Variants in MCUB observed in about 807,000 individuals in gnomAD.
The protein encoded by MCUB is calcium uniporter regulatory subunit MCUb, mitochondrial.
Under a neutral mutation model 41.4 loss-of-function variants are expected in MCUB, and 46 were observed. The observed-to-expected ratio is 1.11, with a 90% CI of 0.88 to 1.42. The LOEUF (loss-of-function observed/expected upper bound fraction) is 1.42. Ranked by LOEUF, MCUB falls within the 40% of genes most tolerant of loss-of-function variation. The pLI is 0.00. For missense variants in MCUB, 403 were observed against 404.9 expected, an observed-to-expected ratio of 1.00 and a Z score of 0.04; for synonymous variants, 148 against 148.2, an observed-to-expected ratio of 1.00 and a Z score of 0.01.
chr4:109,562,348 C>T (rs1489577013), intron 1 of MCUB, among the ~76,000 whole-genome samples: 1 of 152,168 alleles, frequency 6.6e-6, no homozygotes, highest in African/African-American at 2.4e-5. Flanking sequence ...AGCCAACTGT[C>T]CAGCTATAAA....
At chr4:109,677,980 G>C (rs139917582) in intron 4 of MCUB, among the ~76,000 whole-genome samples, 5,836 of 151,886 alleles carry the variant, frequency 0.038, 401 homozygotes, top group African/African-American at 0.14. Context: ...TGCAGTGTTT[G>C]TGTCCCTGGG....
At chr4:109,646,035 C>T (rs1290610391) in intron 1 of MCUB, among the ~76,000 whole-genome samples, 2 of 152,144 alleles carry the variant, frequency 1.3e-5, no homozygotes, top group East Asian at 3.9e-4. Context: ...CTTCCAGCTA[C>T]TGCCCCATTC....
intron 1 of MCUB, among the ~76,000 whole-genome samples, chr4:109,641,868 A>G (rs1178576495): frequency 6.6e-6 from 1 of 152,198 alleles, no homozygotes; most frequent in Non-Finnish European, 1.5e-5. Flanking sequence ...ACCTTCATGT[A>G]GTTCCCATTT....
chr4:109,561,952 T>A (rs998233722), intron 1 of MCUB, among the ~76,000 whole-genome samples: 9 of 152,176 alleles, frequency 5.9e-5, no homozygotes, highest in South Asian at 2.1e-4. Context: ...TTTCACCATG[T>A]TGGCCAGACT....
At chr4:109,601,775 AT>A (rs1727750909) in intron 1 of MCUB, among the ~76,000 whole-genome samples, 1 of 152,096 alleles carries the variant, frequency 6.6e-6, no homozygotes, top group African/African-American at 2.4e-5. Context: ...GCTGGATCAT[AT>A]GCTAGCTTTA....
chr4:109,640,457 CTGT>C (rs1381511199), intron 1 of MCUB, among the ~76,000 whole-genome samples: 1 of 152,188 alleles, frequency 6.6e-6, no homozygotes, highest in Non-Finnish European at 1.5e-5. Flanking sequence ...ATCTGAAAAT[CTGT>C]TGTTTAGTGT....
intron 1 of MCUB, among the ~76,000 whole-genome samples, chr4:109,616,519 C>A (rs1200696578): frequency 6.6e-6 from 1 of 152,190 alleles, no homozygotes; most frequent in Non-Finnish European, 1.5e-5. Context: ...CCTCCCCTTT[C>A]ATGCAGCCCA....
intron 1 of MCUB, among the ~76,000 whole-genome samples, chr4:109,570,336 A>G (rs557241092): frequency 6.3e-4 from 96 of 152,220 alleles, no homozygotes; most frequent in African/African-American, 2.3e-3. Flanking sequence ...TGTATTTCTT[A>G]TTCTGCTAGT....
At chr4:109,649,689 A>G (rs1728916596) in intron 1 of MCUB, among the ~76,000 whole-genome samples, 1 of 151,890 alleles carries the variant, frequency 6.6e-6, no homozygotes, top group African/African-American at 2.4e-5. Context: ...GTTTCATCAC[A>G]TTGTGTCAGG....
intron 1 of MCUB, among the ~76,000 whole-genome samples, chr4:109,578,347 C>T (rs1727081181): frequency 6.6e-6 from 1 of 152,088 alleles, no homozygotes; most frequent in South Asian, 2.1e-4. Context: ...TCTGTATGTA[C>T]AATCTCATAT....
rs1729295439 is a variant in MCUB at position 109,664,304 on chromosome 4, T to G, written c.361T>G (p.Ser121Ala). ...TTTTCTTTCAGATGGCAACATGATT[T>G]CAGCTTCTACCTTGATGGATATTTT... ...AIFTADGNMI[S>A]ASTLMDILLM... The change falls in exon 4 of 8, where the codon TCA becomes GCA. Residue 121 changes from serine to alanine, a missense_variant. Physicochemically the swap from Ser to Ala is moderately conservative, Grantham distance 99. Coordinates refer to ENST00000394650, the MANE Select transcript of MCUB (RefSeq NM_017918.5). 1.3e-6 allele frequency: 2 copies of G among 1,552,718 alleles called. No individual in the cohort carries two copies. The highest frequency in any genetic ancestry group is 1.8e-6 in the Non-Finnish European group (2 of 1,124,568).
intron 1 of MCUB, among the ~76,000 whole-genome samples, chr4:109,582,626 G>T (rs1364189160): frequency 4.0e-5 from 6 of 150,528 alleles, no homozygotes; most frequent in African/African-American, 1.5e-4. Flanking sequence ...TGGTGTTTTA[G>T]TCATGAAGTC....
Position 109,586,239 on chromosome 4 carries a change from G to A in MCUB, c.99+25803G>A, listed in dbSNP as rs188687837. Reference sequence around the variant, plus strand: ...CTGATACCCTTGCTTCCACTTGATCGAATTGGCTATTGAAGCTTGTGTGTG... The same window carrying A: ...CTGATACCCTTGCTTCCACTTGATCAAATTGGCTATTGAAGCTTGTGTGTG... On this transcript the variant is annotated intron_variant, in intron 1 of 7. Coordinates refer to ENST00000394650, the MANE Select transcript of MCUB (RefSeq NM_017918.5). Among the ~76,000 whole-genome samples, 179 of 152,132 alleles carry A rather than the reference G, an allele frequency of 1.2e-3. 1 individual carries two copies. Among genetic ancestry groups the A allele is most frequent in the African/African-American group, 2.3e-3 (95 of 41,490 alleles).
intron 1 of MCUB, among the ~76,000 whole-genome samples, chr4:109,626,531 G>A (rs1728362426): frequency 6.6e-6 from 1 of 151,914 alleles, no homozygotes; most frequent in Non-Finnish European, 1.5e-5. Flanking sequence ...AGAAATCCTG[G>A]GCCAGGCGCA....
In MCUB at chr4:109,684,622, T is replaced by C. The variant is rs1284289629; in HGVS notation, c.792T>C (p.Phe264=). The change falls in exon 6 of 8, where the codon TTT becomes TTC. Residue 264 remains phenylalanine, a synonymous_variant. Coordinates refer to ENST00000394650, the MANE Select transcript of MCUB (RefSeq NM_017918.5). ...FITFANSMVF[F]AYFIVTRQDY... is the part of the protein sequence containing the mutation. ...CATTTGCAAATTCTATGGTCTTTTT[T>C]GCATACTTTATAGTCACTCGACAGG... The C allele has an allele frequency of 6.4e-7, 1 of 1,550,532 alleles. No homozygotes were observed.
chr4:109,647,103 A>G (rs925200048), intron 1 of MCUB, among the ~76,000 whole-genome samples: 1 of 152,054 alleles, frequency 6.6e-6, no homozygotes, highest in South Asian at 2.1e-4. Flanking sequence ...CTGTCTGTCT[A>G]CCTCCACTTC....
chr4:109,682,795 G>T (rs180918272), intron 5 of MCUB, 53 bp downstream of exon 5: 159 of 1,389,040 alleles, frequency 1.1e-4, no homozygotes, highest in Non-Finnish European at 1.5e-4. Context: ...AGTGTTTATT[G>T]AGTGCTCCTC....
At chr4:109,573,809 C>A in intron 1 of MCUB, among the ~76,000 whole-genome samples, 1 of 150,510 alleles carries the variant, frequency 6.6e-6, no homozygotes, top group African/African-American at 2.4e-5. Flanking sequence ...CAGGGAGGTG[C>A]ATTCAGAAGA....
chr4:109,567,203 A>T (rs1726800742), intron 1 of MCUB, among the ~76,000 whole-genome samples: 1 of 150,208 alleles, frequency 6.7e-6, no homozygotes, highest in Non-Finnish European at 1.5e-5. Context: ...ATAACTTTTT[A>T]TAATGAATGC....
Sources: gnomAD v4.1 joint callset for allele counts (sites outside exome capture counted in the v4.1 genomes callset) on GRCh38, gnomAD v4.1.1 for gene constraint, MANE v1.5 for transcripts, NCBI Gene and HGNC (gene_info 2026-07-23, HGNC 2026-07-21) for gene names.